The following ABI3BP variants were observed in gnomAD, a reference collection of about 807,000 sequenced individuals.
The protein encoded by ABI3BP is target of Nesh-SH3.
A neutral mutation model predicts 268.6 loss-of-function variants in ABI3BP; 216 were observed. The observed-to-expected ratio is 0.80, with a 90% CI of 0.72 to 0.90. The LOEUF (loss-of-function observed/expected upper bound fraction) is 0.90. Ranked by LOEUF, ABI3BP falls within the 40% of genes least tolerant of loss-of-function variation. ABI3BP has a pLI of 0.00. For synonymous variants in ABI3BP, 730 were observed against 730.0 expected (o/e 1.00, Z 0.00); for missense variants, 2,090 against 2,182.4 (o/e 0.96, Z 0.84).
chr3:100,945,448 C>T, intron 1 of ABI3BP: 1 of 219,264 alleles, frequency 4.6e-6, no homozygotes. Flanking sequence ...AATCTATATT[C>T]AGAACATTTC....
At chr3:100,821,213 T>G in intron 38 of ABI3BP, 100 bp from the exon 39 acceptor site, 6 of 949,040 alleles carry the variant, frequency 6.3e-6, no homozygotes, top group Non-Finnish European at 9.4e-6. Flanking sequence ...ATACAGCTTA[T>G]AGAATTATAT....
intron 9 of ABI3BP, among the ~76,000 whole-genome samples, chr3:100,871,284 T>C (rs191011434): frequency 4.0e-3 from 605 of 152,300 alleles, no homozygotes; most frequent in African/African-American, 0.014. Flanking sequence ...TCTTGGATGC[T>C]TGAAGCATAT....
intron 7 of ABI3BP, 27 bp downstream of exon 7, chr3:100,876,485 A>C: frequency 6.3e-7 from 1 of 1,596,826 alleles, no homozygotes; most frequent in Non-Finnish European, 8.6e-7. Context: ...GATTGCTCTA[A>C]ACACATTTCC....
At chr3:100,810,508 A>T in intron 48 of ABI3BP, 31 bp from the exon 49 acceptor site, 1 of 1,472,502 alleles carries the variant, frequency 6.8e-7, no homozygotes. Context: ...TACGCGGGTT[A>T]CTATAGCACT....
At chr3:100,870,498 T>C (rs2099098764) in intron 9 of ABI3BP, among the ~76,000 whole-genome samples, 1 of 152,022 alleles carries the variant, frequency 6.6e-6, no homozygotes, top group Admixed American at 6.6e-5. Flanking sequence ...CACTGAGATA[T>C]CACCTCACTT....
chr3:100,793,778 C>T (rs1356947248), intron 54 of ABI3BP, among the ~76,000 whole-genome samples: 1 of 151,958 alleles, frequency 6.6e-6, no homozygotes, highest in African/African-American at 2.4e-5. Context: ...AATAGGGCCA[C>T]TGACTTAAAC....
intron 51 of ABI3BP, among the ~76,000 whole-genome samples, chr3:100,802,513 T>C (rs2097561440): frequency 6.6e-6 from 1 of 152,184 alleles, no homozygotes; most frequent in Non-Finnish European, 1.5e-5. Flanking sequence ...ACATGGAGTG[T>C]GGGCCCGATT....
At chr3:100,837,349 A>T (rs2098610320) in intron 26 of ABI3BP, 178 bp from the exon 27 acceptor site, 1 of 464,440 alleles carries the variant, frequency 2.2e-6, no homozygotes, top group African/African-American at 2.0e-5. Context: ...TTAAAATTTT[A>T]TACTAATTGG....
intron 61 of ABI3BP, among the ~76,000 whole-genome samples, chr3:100,771,569 G>T (rs145759346): frequency 3.9e-5 from 6 of 152,024 alleles, no homozygotes; most frequent in South Asian, 2.1e-4. Context: ...GTAAAGACAT[G>T]TATGATATTA....
chr3:100,924,868 A>G (rs1469489867), intron 2 of ABI3BP, among the ~76,000 whole-genome samples: 1 of 152,202 alleles, frequency 6.6e-6, no homozygotes, highest in Non-Finnish European at 1.5e-5. Context: ...TATAACAAAA[A>G]AACTATCATA....
rs564134236 is a variant in ABI3BP, at chr3:100,751,723, A to G, written c.5123-49T>C. 3.3e-6 allele frequency: 5 copies of G among 1,511,360 alleles called. No individual in the cohort carries two copies. The South Asian group carries it at 5.0e-5, about 15-fold the overall frequency. 93.6% of individuals were successfully genotyped at this position (1,511,360 alleles called of 1,614,324 possible). Reference sequence around the variant, plus strand: ...ATAAAGTTTACTTTCTTACTTTGAAATGTGACAATTTTGAAATCATCATTA... The same window carrying G: ...ATAAAGTTTACTTTCTTACTTTGAAGTGTGACAATTTTGAAATCATCATTA... On this transcript the variant is annotated intron_variant, in intron 66 of 67. Transcript: ENST00000471714.
Position 100,775,100 on chromosome 3 carries a change from G to C in ABI3BP, c.4462+107C>G, listed in dbSNP as rs527288911. Reference sequence around the variant, plus strand: ...AAACAACCATATTAATCATAAAATGGAGTAAAATAGAAGACCTCAAACTGA... The same window carrying C: ...AAACAACCATATTAATCATAAAATGCAGTAAAATAGAAGACCTCAAACTGA... On this transcript the variant is annotated intron_variant, in intron 60 of 67. Transcript: ENST00000471714. 1.8e-5 allele frequency: 23 copies of C among 1,282,020 alleles called. No homozygotes were observed. In the African/African-American group the frequency reaches 2.3e-4, roughly 13 times the overall value. 79.4% of individuals were successfully genotyped at this position (1,282,020 alleles called of 1,614,324 possible).
At chr3:100,799,851 G>T (rs1397530068) in intron 51 of ABI3BP, among the ~76,000 whole-genome samples, 1 of 152,006 alleles carries the variant, frequency 6.6e-6, no homozygotes, top group African/African-American at 2.4e-5. Context: ...CTAAATCTCT[G>T]CCCCAAATCC....
At chr3:100,847,129 TACCTAAAC>T in intron 19 of ABI3BP, among the ~76,000 whole-genome samples, 1 of 152,282 alleles carries the variant, frequency 6.6e-6, no homozygotes, top group East Asian at 1.9e-4. Flanking sequence ...TGGGCCTGTC[TACCTAAAC>T]ACATTTTAAT....
chr3:100,933,850 G>T (rs1268460057), intron 1 of ABI3BP, among the ~76,000 whole-genome samples: 4 of 151,788 alleles, frequency 2.6e-5, no homozygotes, highest in African/African-American at 9.7e-5. Flanking sequence ...AATATTTTAG[G>T]TTTGTCAGGA....
rs114387430 is a variant in ABI3BP at position 100,804,888 on chromosome 3, G to T, written c.3683-22C>A. On this transcript the variant is annotated intron_variant, in intron 50 of 67. Transcript: ENST00000471714. ...GGAACTGAAAGAGAGAACTCATATT[G>T]TAAGTCATTTGGTTTCAGCATCTTC... 2.0e-3 allele frequency: 3,159 copies of T among 1,605,064 alleles called. 57 individuals are homozygous for T. In the African/African-American group the frequency reaches 0.036, roughly 18 times the overall value.
At chr3:100,877,617 A>G (rs1205234795) in intron 6 of ABI3BP, among the ~76,000 whole-genome samples, 5 of 152,210 alleles carry the variant, frequency 3.3e-5, no homozygotes, top group Admixed American at 6.5e-5. Flanking sequence ...GAGGCCAAGG[A>G]TAAGACAGAC....
intron 2 of ABI3BP, among the ~76,000 whole-genome samples, chr3:100,924,948 C>CAAATAG (rs2061384031): frequency 6.6e-6 from 1 of 152,076 alleles, no homozygotes; most frequent in African/African-American, 2.4e-5. Context: ...TGTGTGGGGG[C>CAAATAG]AAACACACGG....
chr3:100,848,699 TTGCAGGTG>T, intron 18 of ABI3BP, 94 bp downstream of exon 18: 1 of 1,113,122 alleles, frequency 9.0e-7, no homozygotes, highest in Non-Finnish European at 1.3e-6. Context: ...AGTGCTGGAG[TTGCAGGTG>T]TGAGCCACTG....
Sources: gnomAD v4.1 joint callset for allele counts (sites outside exome capture counted in the v4.1 genomes callset) on GRCh38, gnomAD v4.1.1 for gene constraint, MANE v1.5 for transcripts, NCBI Gene and HGNC (gene_info 2026-07-23, HGNC 2026-07-21) for gene names.